Variants in CSF2RA observed in about 807,000 individuals in gnomAD.
CSF2RA encodes colony stimulating factor 2 receptor subunit alpha, also known as granulocyte-macrophage colony-stimulating factor receptor subunit alpha.
CSF2RA carries 42 observed loss-of-function variants against 51.6 expected under a neutral mutation model. The observed-to-expected ratio is 0.81, with a 90% CI of 0.64 to 1.05. CSF2RA has a LOEUF of 1.05. Among genes scored for constraint, CSF2RA ranks in the 50% least tolerant of loss-of-function variants. CSF2RA has a pLI of 0.00. For synonymous variants in CSF2RA, 222 were observed against 193.0 expected (o/e 1.15, Z -1.24); for missense variants, 530 against 501.1 (o/e 1.06, Z -0.55).
chrX:1,272,146 G>A (rs28737243), intron 1 of CSF2RA, among the ~76,000 whole-genome samples: 40,402 of 151,470 alleles, frequency 0.27, 6,504 homozygotes, highest in African/African-American at 0.46. Context: ...TAGAGACAGG[G>A]TTGTTCCATA....
At chrX:1,309,352 C>G in intron 12 of CSF2RA, 50 bp from the exon 13 acceptor site, 1 of 1,563,116 alleles carries the variant, frequency 6.4e-7, no homozygotes. Context: ...CCACTGAGTC[C>G]CAGGCTGAGC....
the CSF2RA span, among the ~76,000 whole-genome samples, chrX:1,316,640 T>C: frequency 6.6e-6 from 1 of 152,220 alleles, no homozygotes; most frequent in African/African-American, 2.4e-5. Flanking sequence ...GTTCAGCCCC[T>C]GCCCATCCAC....
intron 10 of CSF2RA, 139 bp from the exon 11 acceptor site, chrX:1,303,784 G>C: frequency 2.5e-6 from 2 of 809,690 alleles, no homozygotes; most frequent in Non-Finnish European, 4.4e-6. Context: ...CCAAAAACAG[G>C]GAGGCAGGTT....
intron 3 of CSF2RA, among the ~76,000 whole-genome samples, chrX:1,284,660 ATTTTTTT>A (rs61159606): frequency 8.2e-4 from 20 of 24,358 alleles, no homozygotes; most frequent in South Asian, 5.1e-3. Context: ...CTAGTTTTTG[ATTTTTTT>A]TTTTTTTTTT....
intron 1 of CSF2RA, among the ~76,000 whole-genome samples, chrX:1,272,986 A>G (rs1241375728): frequency 6.8e-6 from 1 of 147,200 alleles, no homozygotes; most frequent in East Asian, 2.1e-4. Flanking sequence ...TGCCTGAGTA[A>G]TTTTTGTGTT....
chrX:1,318,827 G>A, the CSF2RA span, among the ~76,000 whole-genome samples: 2 of 149,278 alleles, frequency 1.3e-5, no homozygotes, highest in East Asian at 2.1e-4. Context: ...TGAGGCAGGA[G>A]AATGGTGTGA....
At chrX:1,288,487 C>G (rs2091024134) in intron 4 of CSF2RA, 32 bp from the exon 5 acceptor site, 1 of 1,613,672 alleles carries the variant, frequency 6.2e-7, no homozygotes, top group Non-Finnish European at 8.5e-7. Flanking sequence ...AGGTTGTTTC[C>G]TAATCGGCTC....
In CSF2RA at chrX:1,282,712, C is replaced by G. The variant is rs1201208829; in HGVS notation, c.9C>G (p.Leu3=). Reference sequence around the variant, plus strand: ...TCTCTCTGACCAGCACCATGCTTCTCCTGGTGACAAGCCTTCTGCTCTGTG... The same window carrying G: ...TCTCTCTGACCAGCACCATGCTTCTGCTGGTGACAAGCCTTCTGCTCTGTG... ML[L]LVTSLLLCEL... Residue 3 remains leucine, a synonymous_variant, in exon 3 of 13, where the codon CTC becomes CTG. Coordinates refer to ENST00000381529, the MANE Select transcript of CSF2RA (RefSeq NM_172245.4). The G allele has an allele frequency of 6.2e-7, 1 of 1,613,654 alleles. No individual in the cohort carries two copies. The highest frequency in any genetic ancestry group is 1.1e-5 in the South Asian group (1 of 91,078).
the CSF2RA span, among the ~76,000 whole-genome samples, chrX:1,318,823 A>G: frequency 6.7e-6 from 1 of 148,560 alleles, no homozygotes. Flanking sequence ...AGGCTGAGGC[A>G]GGAGAATGGT....
chrX:1,312,227 C>A (rs1185826347), downstream of CSF2RA, among the ~76,000 whole-genome samples: 1 of 152,160 alleles, frequency 6.6e-6, no homozygotes, highest in Non-Finnish European at 1.5e-5. Context: ...GTGTGAACCA[C>A]CACACCTGTT....
At chrX:1,311,067 G>A (rs188636309), downstream of CSF2RA, among the ~76,000 whole-genome samples, 405 of 152,036 alleles carry the variant, frequency 2.7e-3, 2 homozygotes, top group Middle Eastern at 6.8e-3. Flanking sequence ...GGGCAACATG[G>A]TGAAACCCCG....
chrX:1,273,624 C>T (rs1402880493), intron 1 of CSF2RA, among the ~76,000 whole-genome samples: 4 of 151,538 alleles, frequency 2.6e-5, no homozygotes, highest in Non-Finnish European at 2.9e-5. Context: ...CCACTGCTCC[C>T]GGCTGGAGTA....
chrX:1,315,394 AATTTT>A, the CSF2RA span, among the ~76,000 whole-genome samples: 4 of 151,864 alleles, frequency 2.6e-5, no homozygotes, highest in South Asian at 4.1e-4. Flanking sequence ...ATGATAGATG[AATTTT>A]ATTTTATTTT....
chrX:1,323,187 T>TAAAATAAAATAAAATAA, the CSF2RA span, among the ~76,000 whole-genome samples: 17 of 48,604 alleles, frequency 3.5e-4, no homozygotes, highest in Admixed American at 9.9e-4. Flanking sequence ...AAATAAAATA[T>TAAAATAAAATAAAATAA]AAAATGGTCT....
Position 1,277,765 on chromosome X carries a change from T to C in CSF2RA, c.-27+2947T>C, listed in dbSNP as rs2089379123. Among the ~76,000 whole-genome samples, 4 of 146,712 alleles carry C rather than the reference T, an allele frequency of 2.7e-5. No individual in the cohort carries two copies. The South Asian group carries it at 6.5e-4, about 24-fold the overall frequency. The stretch of plus-strand genomic sequence containing the variant: ...GTGGAGGTGGGCAGATCACCTGAGG[T>C]CAGGAGTTCGAGACCAGCCTGACCA... On this transcript the variant is annotated intron_variant, in intron 2 of 12. Transcript: ENST00000381529.
chrX:1,321,191 C>T, the CSF2RA span, among the ~76,000 whole-genome samples: 2 of 151,954 alleles, frequency 1.3e-5, no homozygotes, highest in East Asian at 1.9e-4. Flanking sequence ...AGACAGAGGC[C>T]GGGCACGGTG....
chrX:1,314,604 CCACTGCACCTGCCCAACCA>C (rs2084426432), downstream of CSF2RA, among the ~76,000 whole-genome samples: 1 of 6,366 alleles, frequency 1.6e-4, no homozygotes, highest in African/African-American at 4.9e-4. Flanking sequence ...CTGCCCAACC[CCACTGCACCTGCCCAACCA>C]CACTGAACCT....
At chrX:1,278,460 G>A (rs2089484710) in intron 2 of CSF2RA, among the ~76,000 whole-genome samples, 1 of 148,474 alleles carries the variant, frequency 6.7e-6, no homozygotes, top group Non-Finnish European at 1.5e-5. Context: ...CCCGAGGCAG[G>A]TGGATCACCT....
At position 1,307,512 on chromosome X, in the gene CSF2RA, G is replaced by A. The variant is rs779201800; in HGVS notation, c.1126-1890G>A. Among the ~76,000 whole-genome samples, 19 of 3,940 alleles carry A rather than the reference G, an allele frequency of 4.8e-3. 2 individuals are homozygous for A. Among genetic ancestry groups the A allele is most frequent in the African/African-American group, 0.014 (17 of 1,196 alleles). The allele number at this position is 3,940 out of a possible 152,430, so 2.6% of individuals were successfully genotyped here. On this transcript the variant is annotated intron_variant, in intron 12 of 12. Coordinates refer to ENST00000381529, the MANE Select transcript of CSF2RA (RefSeq NM_172245.4). ...TGATTAAATGAGGCCCACTCTCCCC[G>A]TTTAGACCTTTGACTGATTAGATGA... is the stretch of plus-strand genomic sequence containing the variant.
Sources: allele counts gnomAD v4.1 joint callset (sites outside exome capture counted in the v4.1 genomes callset), GRCh38; gene constraint gnomAD v4.1.1; transcripts MANE v1.5; gene names NCBI Gene and HGNC (gene_info 2026-07-23, HGNC 2026-07-21).